The following B3GALT1 variants were observed in gnomAD, a reference collection of about 807,000 sequenced individuals.
The protein encoded by B3GALT1 is beta-1,3-galactosyltransferase 1.
A neutral mutation model predicts 23.2 loss-of-function variants in B3GALT1; 10 were observed. That is an observed-to-expected ratio of 0.43 (90% CI 0.27 to 0.73). The LOEUF is 0.73. B3GALT1 is among the 30% of genes least tolerant of loss of function. The probability of loss-of-function intolerance (pLI) is 0.21; values close to 1 mark genes in which losing one functional copy is unlikely to be tolerated. For missense variants in B3GALT1, 299 were observed against 405.4 expected (o/e 0.74, Z 2.25); for synonymous variants, 156 against 141.5 (o/e 1.10, Z -0.73).
chr2:167,643,669 C>G (rs1457278086), intron 2 of B3GALT1, among the ~76,000 whole-genome samples: 1 of 152,082 alleles, frequency 6.6e-6, no homozygotes, highest in African/African-American at 2.4e-5. Flanking sequence ...CTCCATACAC[C>G]CAGCCCTCCT....
At chr2:167,434,523 T>TA (rs35876291) in intron 1 of B3GALT1, among the ~76,000 whole-genome samples, 160 of 134,186 alleles carry the variant, frequency 1.2e-3, no homozygotes, top group Middle Eastern at 3.8e-3. Flanking sequence ...AAGTACTCTG[T>TA]AAAAAAAAAA....
rs533159605 is a variant in B3GALT1, at chr2:167,367,293, AT to A, written c.-511+73965del. 1.6e-4 allele frequency among the ~76,000 whole-genome samples: 25 copies of A among 152,254 alleles called. 1 individual carries two copies. The South Asian group carries it at 5.2e-3, about 32-fold the overall frequency. ...CATTCTAAAATAATGTAACTTAACT[AT>A]TTTTTCCCCTTAAGCAATGAAAGCA... On this transcript the variant is annotated intron_variant, in intron 1 of 4. Coordinates refer to ENST00000392690, the MANE Select transcript of B3GALT1 (RefSeq NM_020981.4).
intron 4 of B3GALT1, among the ~76,000 whole-genome samples, chr2:167,862,052 C>T (rs16854287): frequency 0.099 from 15,025 of 152,154 alleles, 983 homozygotes; most frequent in Middle Eastern, 0.18. Flanking sequence ...CAAGCCAATT[C>T]GGTGTAACTG....
chr2:167,729,390 G>A (rs1276290301), intron 3 of B3GALT1, among the ~76,000 whole-genome samples: 2 of 152,158 alleles, frequency 1.3e-5, no homozygotes, highest in East Asian at 3.9e-4. Flanking sequence ...TTAACACTAG[G>A]ACGATGTCAA....
intron 1 of B3GALT1, among the ~76,000 whole-genome samples, chr2:167,470,919 G>T (rs1360000543): frequency 6.6e-6 from 1 of 152,166 alleles, no homozygotes; most frequent in Admixed American, 6.5e-5. Flanking sequence ...CAGAGCTGCT[G>T]CTCTAAGGAT....
chr2:167,548,231 C>T (rs931206132), intron 2 of B3GALT1, among the ~76,000 whole-genome samples: 6 of 152,170 alleles, frequency 3.9e-5, no homozygotes, highest in African/African-American at 7.2e-5. Context: ...TACCTTCTTC[C>T]TGCCTCTTTC....
chr2:167,870,500 G>A lies in B3GALT1; in HGVS notation c.*480G>A, dbSNP rs1344183337. 1.2e-5 allele frequency: 2 copies of A among 169,436 alleles called. No individual in the cohort carries two copies. The highest frequency in any genetic ancestry group is 2.9e-5 in the Non-Finnish European group (2 of 69,556). The allele number at this position is 169,436 out of a possible 1,614,324, so 10.5% of individuals were successfully genotyped here. A position where few individuals can be genotyped will look rare whatever the true frequency, so the allele number is the denominator to read the frequency against. ...ATTATATTTTTACATATATTCCCAT[G>A]TAATGTGTACAGTCTTTGCAGTTCC... On this transcript the variant is annotated 3_prime_UTR_variant, in exon 5 of 5. Coordinates refer to ENST00000392690, the MANE Select transcript of B3GALT1 (RefSeq NM_020981.4).
intron 2 of B3GALT1, among the ~76,000 whole-genome samples, chr2:167,590,518 A>G (rs368958665): frequency 2.6e-5 from 4 of 152,154 alleles, no homozygotes; most frequent in East Asian, 3.9e-4. Flanking sequence ...AAGGAAAAAT[A>G]AAATAAAATA....
chr2:167,655,559 A>C (rs373392628), intron 3 of B3GALT1, among the ~76,000 whole-genome samples: 1 of 152,326 alleles, frequency 6.6e-6, no homozygotes. Context: ...GAGCTCAGAA[A>C]GTATATTTAG....
intron 2 of B3GALT1, among the ~76,000 whole-genome samples, chr2:167,554,905 CTCA>C (rs1683816001): frequency 6.6e-6 from 1 of 152,070 alleles, no homozygotes; most frequent in Non-Finnish European, 1.5e-5. Context: ...GTTCATGAAA[CTCA>C]TCATAAAACA....
intron 2 of B3GALT1, among the ~76,000 whole-genome samples, chr2:167,492,550 C>G (rs1288207984): frequency 6.6e-6 from 1 of 152,124 alleles, no homozygotes; most frequent in Non-Finnish European, 1.5e-5. Context: ...AAGGAACTGC[C>G]AAACTGTATT....
intron 4 of B3GALT1, among the ~76,000 whole-genome samples, chr2:167,820,077 C>T (rs1186004400): frequency 2.0e-5 from 3 of 152,092 alleles, no homozygotes; most frequent in African/African-American, 7.2e-5. Context: ...AAGTTCAAGA[C>T]AAATATACTG....
intron 2 of B3GALT1, among the ~76,000 whole-genome samples, chr2:167,568,174 T>G (rs528277488): frequency 6.6e-6 from 1 of 152,266 alleles, no homozygotes; most frequent in South Asian, 2.1e-4. Context: ...CAATTATGAG[T>G]AAAACTGCTA....
intron 2 of B3GALT1, among the ~76,000 whole-genome samples, chr2:167,628,366 C>A (rs1255532293): frequency 6.6e-6 from 1 of 151,556 alleles, no homozygotes; most frequent in African/African-American, 2.4e-5. Flanking sequence ...ATGATTGCAT[C>A]TACAGTCATT....
chr2:167,729,877 T>C (rs1005086894), intron 3 of B3GALT1, among the ~76,000 whole-genome samples: 19 of 152,174 alleles, frequency 1.2e-4, no homozygotes, highest in Admixed American at 1.1e-3. Flanking sequence ...CCTGCCAAGC[T>C]GCAGGTGGTG....
At chr2:167,420,681 T>C (rs902916255) in intron 1 of B3GALT1, among the ~76,000 whole-genome samples, 10 of 152,172 alleles carry the variant, frequency 6.6e-5, no homozygotes, top group South Asian at 4.1e-4. Flanking sequence ...ATCCATGAGA[T>C]TGGCCTTGGA....
At chr2:167,445,676 G>A (rs1354473813) in intron 1 of B3GALT1, among the ~76,000 whole-genome samples, 1 of 152,106 alleles carries the variant, frequency 6.6e-6, no homozygotes, top group Admixed American at 6.5e-5. Context: ...CAGACACTAG[G>A]ATTGGAACCC....
At chr2:167,562,779 A>G (rs1684034782) in intron 2 of B3GALT1, among the ~76,000 whole-genome samples, 1 of 151,628 alleles carries the variant, frequency 6.6e-6, no homozygotes, top group Non-Finnish European at 1.5e-5. Context: ...TGGTTTTCCT[A>G]GGCAGAGGAC....
intron 1 of B3GALT1, among the ~76,000 whole-genome samples, chr2:167,466,365 C>T (rs1023240580): frequency 3.3e-5 from 5 of 151,972 alleles, no homozygotes; most frequent in African/African-American, 1.2e-4. Context: ...CACCTGTAAT[C>T]CTAGCACTTT....
Sources: gnomAD v4.1 joint callset for allele counts (sites outside exome capture counted in the v4.1 genomes callset) on GRCh38, gnomAD v4.1.1 for gene constraint, MANE v1.5 for transcripts, NCBI Gene and HGNC (gene_info 2026-07-23, HGNC 2026-07-21) for gene names.